The following SCAPER variants were observed in gnomAD, a reference collection of about 807,000 sequenced individuals.
SCAPER encodes S phase cyclin A-associated protein in the endoplasmic reticulum.
SCAPER carries 98 observed loss-of-function variants against 182.2 expected under a neutral mutation model. The observed-to-expected ratio is 0.54, with a 90% CI of 0.46 to 0.64. The LOEUF (loss-of-function observed/expected upper bound fraction) is 0.64. Ranked by LOEUF, SCAPER falls within the 30% of genes least tolerant of loss-of-function variation. SCAPER has a pLI of 0.00. For synonymous variants in SCAPER, 605 were observed against 564.6 expected, an observed-to-expected ratio of 1.07 and a Z score of -1.01; for missense variants, 1,432 against 1,690.0, an observed-to-expected ratio of 0.85 and a Z score of 2.68.
chr15:76,579,410 C>T (rs1258113481), intron 22 of SCAPER, among the ~76,000 whole-genome samples: 3 of 150,852 alleles, frequency 2.0e-5, no homozygotes, highest in Non-Finnish European at 4.4e-5. Context: ...TTTTTCTTTG[C>T]TTGTTTGTTA....
intron 7 of SCAPER, among the ~76,000 whole-genome samples, chr15:76,797,833 A>G (rs1366912274): frequency 2.0e-5 from 3 of 152,154 alleles, no homozygotes; most frequent in Non-Finnish European, 4.4e-5. Flanking sequence ...CTAAACTAAC[A>G]GTAACAACAA....
chr15:76,408,354 C>T (rs554735288), intron 26 of SCAPER, among the ~76,000 whole-genome samples: 1 of 152,088 alleles, frequency 6.6e-6, no homozygotes, highest in South Asian at 2.1e-4. Flanking sequence ...AGAGGTCTGA[C>T]TGGATACATA....
intron 24 of SCAPER, among the ~76,000 whole-genome samples, chr15:76,495,561 G>T (rs1424764237): frequency 8.7e-6 from 1 of 114,914 alleles, no homozygotes; most frequent in Admixed American, 1.2e-4. Context: ...CTGGGCAACA[G>T]AGCAAGACTT....
Position 76,716,751 on chromosome 15 carries a change from A to T in SCAPER, c.2166-10767T>A, listed in dbSNP as rs80078483. The stretch of plus-strand genomic sequence containing the variant: ...TTCTGAAATGACTCAGAAGAGAAGA[A>T]AAAGAAAAAAGAATGAAGAGAGCCT... On this transcript the variant is annotated intron_variant, in intron 17 of 31. Coordinates refer to ENST00000563290, the MANE Select transcript of SCAPER (RefSeq NM_020843.4). 5.9e-3 allele frequency among the ~76,000 whole-genome samples: 901 copies of T among 152,100 alleles called. 4 individuals carry two copies. The highest frequency in any genetic ancestry group is 0.021 in the African/African-American group (869 of 41,514).
chr15:76,687,212 C>T (rs926667991), intron 20 of SCAPER, among the ~76,000 whole-genome samples: 5 of 151,778 alleles, frequency 3.3e-5, no homozygotes, highest in African/African-American at 4.8e-5. Flanking sequence ...AAAAACCAAT[C>T]GGATAAAAAA....
chr15:76,878,321 A>G (rs976003963), intron 2 of SCAPER, among the ~76,000 whole-genome samples: 6 of 152,204 alleles, frequency 3.9e-5, no homozygotes, highest in African/African-American at 1.4e-4. Context: ...AAAAGGATAT[A>G]TGAGAATTCC....
At chr15:76,674,101 G>A (rs2057218671) in intron 20 of SCAPER, among the ~76,000 whole-genome samples, 1 of 151,898 alleles carries the variant, frequency 6.6e-6, no homozygotes, top group South Asian at 2.1e-4. Context: ...ACTGTACTCA[G>A]TAGCCAAATA....
At chr15:76,528,986 C>T (rs1379636029) in intron 23 of SCAPER, among the ~76,000 whole-genome samples, 1 of 152,244 alleles carries the variant, frequency 6.6e-6, no homozygotes, top group Non-Finnish European at 1.5e-5. Context: ...ATCGTAGCTT[C>T]ATTGTAACTT....
At chr15:76,727,880 T>A (rs1257916014) in intron 17 of SCAPER, among the ~76,000 whole-genome samples, 1 of 151,562 alleles carries the variant, frequency 6.6e-6, no homozygotes, top group East Asian at 1.9e-4. Context: ...AATACAGGAA[T>A]GAACAAAAAT....
At chr15:76,620,203 C>T (rs1490309206) in intron 22 of SCAPER, among the ~76,000 whole-genome samples, 1 of 152,028 alleles carries the variant, frequency 6.6e-6, no homozygotes. Flanking sequence ...GCTAGATATG[C>T]TGTTGTGTAG....
Position 76,552,747 on chromosome 15 carries a change from C to G in SCAPER, c.2838+21411G>C, listed in dbSNP as rs143394026. Reference sequence around the variant, plus strand: ...GGCCAGGGATGTCCATGCCTGCCCCCACCCCCAGCCAGGAACGTCAAGCAC... The same window carrying G: ...GGCCAGGGATGTCCATGCCTGCCCCGACCCCCAGCCAGGAACGTCAAGCAC... On this transcript the variant is annotated intron_variant, in intron 23 of 31. Transcript: ENST00000563290. Among the ~76,000 whole-genome samples, 17 of 152,256 alleles carry G rather than the reference C, an allele frequency of 1.1e-4. 1 individual carries two copies. In the East Asian group the frequency reaches 2.9e-3, roughly 26 times the overall value.
chr15:76,598,015 A>C (rs765108543), intron 22 of SCAPER, among the ~76,000 whole-genome samples: 1 of 120,294 alleles, frequency 8.3e-6, no homozygotes, highest in Non-Finnish European at 2.0e-5. Flanking sequence ...TGAACAGGGA[A>C]CCTACAGAAT....
chr15:76,384,072 G>A (rs2043140022), intron 27 of SCAPER, among the ~76,000 whole-genome samples: 1 of 152,142 alleles, frequency 6.6e-6, no homozygotes. Context: ...GACTAGAGAC[G>A]TGAGTAGAGA....
chr15:76,780,590 C>T lies in SCAPER; in HGVS notation c.773-5473G>A, dbSNP rs145673356. 1.5e-3 allele frequency among the ~76,000 whole-genome samples: 223 copies of T among 152,322 alleles called. 2 individuals carry two copies. In the South Asian group the frequency reaches 0.015, roughly 10 times the overall value. ...ACTGCCTCCTCAAGTGGGTCCCTAACGCCCAAGTAGCCTAACTGGAAGATA... is the reference window on the plus strand; with the variant it reads ...ACTGCCTCCTCAAGTGGGTCCCTAATGCCCAAGTAGCCTAACTGGAAGATA... On this transcript the variant is annotated intron_variant, in intron 8 of 31. Coordinates refer to ENST00000563290, the MANE Select transcript of SCAPER (RefSeq NM_020843.4).
intron 26 of SCAPER, among the ~76,000 whole-genome samples, chr15:76,416,563 T>C (rs1190632246): frequency 6.6e-6 from 1 of 152,130 alleles, no homozygotes; most frequent in Non-Finnish European, 1.5e-5. Context: ...ATACCCAATA[T>C]TGTCTAGGTT....
intron 23 of SCAPER, among the ~76,000 whole-genome samples, chr15:76,566,417 T>G (rs2047040474): frequency 1.3e-5 from 2 of 152,118 alleles, no homozygotes; most frequent in African/African-American, 4.8e-5. Flanking sequence ...CTATTTAAAT[T>G]TGGCAGGATT....
At position 76,351,284 on chromosome 15, in the gene SCAPER, A is replaced by G; in HGVS notation, c.4052T>C (p.Leu1351Ser). The change falls in exon 31 of 32, where the codon TTG (leucine) becomes TCG (serine). Residue 1351 changes from leucine (L) to serine (S), a missense_variant. Coordinates refer to ENST00000563290, the MANE Select transcript of SCAPER (RefSeq NM_020843.4). Reference sequence around the variant, plus strand: ...TTCCGCTTGACCTGGAGTCTGTGCCAAATCCTGTATGAGGAGAGAAAAGTG... The same window carrying G: ...TTCCGCTTGACCTGGAGTCTGTGCCGAATCCTGTATGAGGAGAGAAAAGTG... ...CVLLATFIQD[L>S]AQTPGQAENQ... 1 of 1,609,358 alleles carries G rather than the reference A, an allele frequency of 6.2e-7. No homozygotes were observed. Among genetic ancestry groups the G allele is most frequent in the Non-Finnish European group, 8.5e-7 (1 of 1,177,708 alleles).
chr15:76,670,553 C>A (rs954443732), intron 20 of SCAPER, among the ~76,000 whole-genome samples: 3 of 152,068 alleles, frequency 2.0e-5, no homozygotes, highest in Middle Eastern at 3.2e-3. Context: ...AAATGAAAAA[C>A]CTGGGCCACA....
chr15:76,863,791 T>C (rs993788793), intron 2 of SCAPER, among the ~76,000 whole-genome samples: 1 of 152,170 alleles, frequency 6.6e-6, no homozygotes, highest in Non-Finnish European at 1.5e-5. Flanking sequence ...GCATAACTTC[T>C]GAGACTAGGT....
Sources: gnomAD v4.1 joint callset for allele counts (sites outside exome capture counted in the v4.1 genomes callset) on GRCh38, gnomAD v4.1.1 for gene constraint, MANE v1.5 for transcripts, NCBI Gene and HGNC (gene_info 2026-07-23, HGNC 2026-07-21) for gene names.